SHC3: variants seen among roughly 807,000 people sequenced by gnomAD.
The protein encoded by SHC3 is SHC adaptor protein 3.
In SHC3, 15 loss-of-function variants were observed where a neutral mutation model predicts 60.4. That is an observed-to-expected ratio of 0.25 (90% CI 0.17 to 0.38). SHC3 has a LOEUF of 0.38. SHC3 is among the 10% of genes least tolerant of loss of function. The probability of loss-of-function intolerance (pLI) is 1.00; values close to 1 mark genes in which losing one functional copy is unlikely to be tolerated. For missense variants in SHC3, 677 were observed against 786.1 expected, an observed-to-expected ratio of 0.86 and a Z score of 1.66; for synonymous variants, 294 against 325.9, an observed-to-expected ratio of 0.90 and a Z score of 1.05.
intron 2 of SHC3, among the ~76,000 whole-genome samples, chr9:89,094,899 C>T: frequency 6.6e-6 from 1 of 152,046 alleles, no homozygotes; most frequent in Non-Finnish European, 1.5e-5. Flanking sequence ...GATGCGATAC[C>T]ACCTCACGCC....
At chr9:89,064,183 T>C (rs1825137279) in intron 6 of SHC3, among the ~76,000 whole-genome samples, 1 of 152,200 alleles carries the variant, frequency 6.6e-6, no homozygotes, top group Admixed American at 6.5e-5. Context: ...CTTTAATTAA[T>C]GCAATACCAT....
chr9:89,177,767 C>T (rs915667182), intron 1 of SHC3, among the ~76,000 whole-genome samples: 6 of 152,242 alleles, frequency 3.9e-5, no homozygotes, highest in African/African-American at 1.2e-4. Flanking sequence ...GCGGGCCACC[C>T]GAGTGGTAAA....
At chr9:89,103,926 G>C (rs1275173545) in intron 2 of SHC3, among the ~76,000 whole-genome samples, 1 of 152,180 alleles carries the variant, frequency 6.6e-6, no homozygotes, top group Non-Finnish European at 1.5e-5. Context: ...CCTATGGAAT[G>C]ATATGTTTGG....
intron 6 of SHC3, among the ~76,000 whole-genome samples, chr9:89,062,747 G>A (rs1218063214): frequency 6.6e-6 from 1 of 152,294 alleles, no homozygotes; most frequent in South Asian, 2.1e-4. Context: ...ACTTTTAAGA[G>A]CCCAAATAAG....
chr9:89,035,121 A>C (rs10780222), intron 11 of SHC3, among the ~76,000 whole-genome samples: 22 of 152,228 alleles, frequency 1.4e-4, no homozygotes, highest in Admixed American at 1.2e-3. Context: ...CCCAGAGCTC[A>C]GGGCCTTTGC....
intron 1 of SHC3, among the ~76,000 whole-genome samples, chr9:89,175,509 G>C (rs1443148872): frequency 6.6e-6 from 1 of 152,146 alleles, no homozygotes; most frequent in East Asian, 1.9e-4. Flanking sequence ...CTCAGATTAA[G>C]TTGAAATATT....
intron 2 of SHC3, among the ~76,000 whole-genome samples, chr9:89,089,776 C>A (rs753340025): frequency 6.6e-6 from 1 of 152,154 alleles, no homozygotes; most frequent in Non-Finnish European, 1.5e-5. Flanking sequence ...GGGTCAGAGC[C>A]CACAGGAGCC....
intron 11 of SHC3, among the ~76,000 whole-genome samples, chr9:89,018,992 G>T (rs529738814): frequency 6.6e-6 from 1 of 151,382 alleles, no homozygotes; most frequent in East Asian, 1.9e-4. Flanking sequence ...CTGGGAGATG[G>T]AGGCTGCGGT....
At chr9:89,135,674 T>C (rs1006199205) in intron 1 of SHC3, among the ~76,000 whole-genome samples, 3 of 152,146 alleles carry the variant, frequency 2.0e-5, no homozygotes, top group Admixed American at 6.6e-5. Flanking sequence ...TCAGTTGTTT[T>C]TGAGGGTTTT....
chr9:89,161,043 C>T (rs117195889), intron 1 of SHC3, among the ~76,000 whole-genome samples: 2,219 of 152,266 alleles, frequency 0.015, 32 homozygotes, highest in Middle Eastern at 0.024. Flanking sequence ...TGTCGTCTGT[C>T]GCATATGAAG....
chr9:89,151,237 G>A (rs1826541811), intron 1 of SHC3, among the ~76,000 whole-genome samples: 1 of 152,110 alleles, frequency 6.6e-6, no homozygotes, highest in Non-Finnish European at 1.5e-5. Flanking sequence ...CCAGGCTGGT[G>A]TATGTCTTTT....
chr9:89,115,754 C>T (rs1179916635), intron 1 of SHC3, among the ~76,000 whole-genome samples: 1 of 152,124 alleles, frequency 6.6e-6, no homozygotes, highest in East Asian at 1.9e-4. Flanking sequence ...TGTGTGAACA[C>T]CATGAGTAAT....
chr9:89,042,376 C>T (rs1824702276), intron 9 of SHC3, among the ~76,000 whole-genome samples, 192 bp from the exon 10 acceptor site: 1 of 152,196 alleles, frequency 6.6e-6, no homozygotes, highest in South Asian at 2.1e-4. Context: ...TCCAGTCCTT[C>T]ATATCAGCAT....
At chr9:89,063,572 G>C (rs1385491271) in intron 6 of SHC3, among the ~76,000 whole-genome samples, 1 of 152,178 alleles carries the variant, frequency 6.6e-6, no homozygotes, top group Non-Finnish European at 1.5e-5. Flanking sequence ...GGGCCACTTG[G>C]AGAGTCTCTG....
chr9:89,141,214 A>G (rs7468652), intron 1 of SHC3, among the ~76,000 whole-genome samples: 10,091 of 152,302 alleles, frequency 0.066, 467 homozygotes, highest in Middle Eastern at 0.12. Flanking sequence ...GACCAAGAGA[A>G]AGTACTGCCA....
intron 1 of SHC3, among the ~76,000 whole-genome samples, chr9:89,158,861 A>C (rs577196533): frequency 6.6e-6 from 1 of 152,354 alleles, no homozygotes; most frequent in South Asian, 2.1e-4. Flanking sequence ...AATTTACCCT[A>C]CCACTCTGTA....
intron 1 of SHC3, among the ~76,000 whole-genome samples, chr9:89,133,541 G>C (rs959304713): frequency 6.6e-6 from 1 of 152,178 alleles, no homozygotes; most frequent in Admixed American, 6.5e-5. Flanking sequence ...ACTGGATTAA[G>C]AAAAGGTGGC....
intron 10 of SHC3, among the ~76,000 whole-genome samples, chr9:89,041,432 T>A (rs1268101291): frequency 2.0e-5 from 3 of 152,166 alleles, no homozygotes; most frequent in Non-Finnish European, 4.4e-5. Context: ...TTCCTGTATA[T>A]CTCCATCAAG....
chr9:89,152,784 CAA>C (rs1826562450), intron 1 of SHC3, among the ~76,000 whole-genome samples: 2 of 152,182 alleles, frequency 1.3e-5, no homozygotes, highest in Non-Finnish European at 2.9e-5. Flanking sequence ...TCTGCACCAT[CAA>C]AGTTATATAT....
Sources: gnomAD v4.1 joint callset for allele counts (sites outside exome capture counted in the v4.1 genomes callset) on GRCh38, gnomAD v4.1.1 for gene constraint, MANE v1.5 for transcripts, NCBI Gene and HGNC (gene_info 2026-07-23, HGNC 2026-07-21) for gene names.